NRP1: variants seen among roughly 807,000 people sequenced by gnomAD.
The protein encoded by NRP1 is neuropilin 1.
Under a neutral mutation model 106.7 loss-of-function variants are expected in NRP1, and 35 were observed. The observed-to-expected ratio is 0.33, with a 90% CI of 0.25 to 0.43. The LOEUF is 0.43. Ranked by LOEUF, NRP1 falls within the 20% of genes least tolerant of loss-of-function variation. The pLI is 1.00. For missense variants in NRP1, 1,024 were observed against 1,170.4 expected (o/e 0.87, Z 1.83); for synonymous variants, 437 against 417.9 (o/e 1.05, Z -0.56).
intron 2 of NRP1, among the ~76,000 whole-genome samples, chr10:33,285,573 G>A: frequency 6.6e-6 from 1 of 152,136 alleles, no homozygotes; most frequent in East Asian, 1.9e-4. Flanking sequence ...GTGCAGTGTT[G>A]TAATCCCAGC....
chr10:33,216,921 T>A (rs1178078291), intron 8 of NRP1, among the ~76,000 whole-genome samples: 3 of 152,182 alleles, frequency 2.0e-5, no homozygotes, highest in Non-Finnish European at 4.4e-5. Context: ...CTTAATACAA[T>A]GAAAGGCAGC....
intron 2 of NRP1, among the ~76,000 whole-genome samples, chr10:33,290,033 T>C (rs1844878354): frequency 6.6e-6 from 1 of 152,210 alleles, no homozygotes; most frequent in Admixed American, 6.5e-5. Context: ...GTCTCTTGCA[T>C]AGCTTGGATA....
At chr10:33,232,018 T>C (rs375965221) in intron 6 of NRP1, among the ~76,000 whole-genome samples, 81 of 152,256 alleles carry the variant, frequency 5.3e-4, no homozygotes, top group African/African-American at 1.9e-3. Flanking sequence ...GTTTTGAAGT[T>C]GAAATGATCA....
Position 33,330,740 on chromosome 10 carries a change from G to A in NRP1, c.216C>T (p.Asn72=), listed in dbSNP as rs766624490. The change falls in exon 2 of 17, where the codon AAC becomes AAT. Residue 72 remains asparagine, a synonymous_variant. Coordinates refer to ENST00000374867, the MANE Select transcript of NRP1 (RefSeq NM_003873.7). ...DPYQRIMINF[N]PHFDLEDRDC... ...CTCTGTCCTCCAAATCGAAGTGAGG[G>A]TTGAAGTTGATCATAATTCTCTGGT... 4.3e-6 allele frequency: 7 copies of A among 1,613,480 alleles called. No homozygotes were observed. The highest frequency in any genetic ancestry group is 1.3e-5 in the African/African-American group (1 of 74,880).
intron 9 of NRP1, among the ~76,000 whole-genome samples, chr10:33,208,989 CT>C (rs1838055813): frequency 6.8e-6 from 1 of 147,546 alleles, no homozygotes; most frequent in Non-Finnish European, 1.5e-5. Context: ...TCACTGCAAC[CT>C]GTGCCTCTTG....
chr10:33,296,124 G>C (rs1054909308), intron 2 of NRP1, among the ~76,000 whole-genome samples: 4 of 152,206 alleles, frequency 2.6e-5, no homozygotes, highest in African/African-American at 9.6e-5. Context: ...TATATAATAA[G>C]ATTAGAATAA....
intron 9 of NRP1, among the ~76,000 whole-genome samples, chr10:33,208,762 C>T (rs1308706660): frequency 6.6e-6 from 1 of 151,938 alleles, no homozygotes; most frequent in Non-Finnish European, 1.5e-5. Flanking sequence ...TGTCATCTTC[C>T]TATGATATTG....
rs79661174 is a variant in NRP1 at position 33,305,167 on chromosome 10, A to C, written c.248+25541T>G. 2.8e-3 allele frequency among the ~76,000 whole-genome samples: 430 copies of C among 152,378 alleles called. 3 individuals are homozygous for C. Among genetic ancestry groups the C allele is most frequent in the African/African-American group, 0.01 (420 of 41,588 alleles). Reference sequence around the variant, plus strand: ...TCTGCTATCATATATTTAGGTGAATAACTATTCCAATGTGCTGGATGGCAC... The same window carrying C: ...TCTGCTATCATATATTTAGGTGAATCACTATTCCAATGTGCTGGATGGCAC... On this transcript the variant is annotated intron_variant, in intron 2 of 16. Coordinates refer to ENST00000374867, the MANE Select transcript of NRP1 (RefSeq NM_003873.7).
chr10:33,202,121 A>C (rs1421879568), intron 11 of NRP1: 1 of 152,294 alleles, frequency 6.6e-6, no homozygotes, highest in Non-Finnish European at 1.5e-5. Flanking sequence ...TGACCCAGGG[A>C]GCAGTAAAAG....
chr10:33,178,653 A>C lies in NRP1; in HGVS notation c.*1423T>G, dbSNP rs1358655002. 2 of 152,206 alleles carry C rather than the reference A, an allele frequency of 1.3e-5. No individual in the cohort carries two copies. Among genetic ancestry groups the C allele is most frequent in the Non-Finnish European group, 2.9e-5 (2 of 68,040 alleles). 9.4% of individuals were successfully genotyped at this position (152,206 alleles called of 1,614,324 possible). On this transcript the variant is annotated 3_prime_UTR_variant, in exon 17 of 17. Coordinates refer to ENST00000374867, the MANE Select transcript of NRP1 (RefSeq NM_003873.7). ...TCATTTTTGCATATTTGGATAGAAA[A>C]ATCTCATGCTTTTGGATTTGGAAGA...
chr10:33,267,728 C>T (rs952073131), intron 3 of NRP1, among the ~76,000 whole-genome samples: 4 of 151,978 alleles, frequency 2.6e-5, no homozygotes, highest in African/African-American at 7.3e-5. Context: ...TCTCTTTAGG[C>T]GATTGGAAAT....
intron 7 of NRP1, among the ~76,000 whole-genome samples, chr10:33,225,628 T>C (rs3851076): frequency 0.13 from 19,965 of 152,272 alleles, 1,586 homozygotes; most frequent in Admixed American, 0.23. Context: ...TTGTGTGATC[T>C]GAGGGAACAC....
Position 33,185,648 on chromosome 10 carries a change from A to T in NRP1, c.2411T>A (p.Ile804Asn). 6.2e-7 allele frequency: 1 copy of T among 1,613,820 alleles called. No homozygotes were observed. The highest frequency in any genetic ancestry group is 2.2e-5 in the East Asian group (1 of 44,882). Residue 804 changes from isoleucine (I) to asparagine (N), a missense_variant, in exon 15 of 17, where the codon ATT (isoleucine) becomes AAT (asparagine). By Grantham distance (149) the Ile-to-Asn change is moderately radical. This residue lies in a region of NRP1 where 164 missense variants were observed against 161.4 expected (regional missense o/e 1.02). Coordinates refer to ENST00000374867, the MANE Select transcript of NRP1 (RefSeq NM_003873.7). ...AVDDISINNH[I>N]SQEDCAKPAD... is the part of the protein sequence containing the mutation. Reference sequence around the variant, plus strand: ...CTTACTTGCACAATCTTCTTGTGAAATGTGGTTATTAATACTAATGTCATC... The same window carrying T: ...CTTACTTGCACAATCTTCTTGTGAATTGTGGTTATTAATACTAATGTCATC...
chr10:33,306,489 A>T (rs1846177243), intron 2 of NRP1, among the ~76,000 whole-genome samples: 1 of 152,182 alleles, frequency 6.6e-6, no homozygotes, highest in East Asian at 1.9e-4. Context: ...TTCAGAAGCA[A>T]CAAGAGATTA....
At chr10:33,191,305 G>T (rs918102597) in intron 13 of NRP1, among the ~76,000 whole-genome samples, 4 of 152,182 alleles carry the variant, frequency 2.6e-5, no homozygotes, top group Non-Finnish European at 5.9e-5. Context: ...ATCTTAGGAA[G>T]AAAGTAAGGC....
In NRP1 at chr10:33,221,714, C is replaced by T; in HGVS notation, c.1282+5G>A. The T allele has an allele frequency of 1.2e-6, 2 of 1,612,486 alleles. No individual in the cohort carries two copies. Among genetic ancestry groups the T allele is most frequent in the Non-Finnish European group, 1.7e-6 (2 of 1,178,566 alleles). Reference sequence around the variant, plus strand: ...AGATTCAGTCTTCAATCTTCCACAGCTTACCTGTTATCTTGCAACCGTATA... The same window carrying T: ...AGATTCAGTCTTCAATCTTCCACAGTTTACCTGTTATCTTGCAACCGTATA... On this transcript the variant is annotated splice_donor_5th_base_variant and intron_variant, in intron 8 of 16. Coordinates refer to ENST00000374867, the MANE Select transcript of NRP1 (RefSeq NM_003873.7).
rs76759138 is a variant in NRP1, at chr10:33,218,687, A to C, written c.1282+3032T>G. On this transcript the variant is annotated intron_variant, in intron 8 of 16. Transcript: ENST00000374867. The stretch of plus-strand genomic sequence containing the variant: ...TAAAAAATAATTTCTGAATCAAAAA[A>C]TTAGGGTAAAACTTGGGGCTTTAGT... 4.8e-3 allele frequency among the ~76,000 whole-genome samples: 725 copies of C among 152,282 alleles called. 7 individuals are homozygous for C. Among genetic ancestry groups the C allele is most frequent in the African/African-American group, 0.017 (697 of 41,558 alleles).
In NRP1 at chr10:33,260,775, A is replaced by G. The variant is rs532853275; in HGVS notation, c.658+2871T>C. On this transcript the variant is annotated intron_variant, in intron 4 of 16. Coordinates refer to ENST00000374867, the MANE Select transcript of NRP1 (RefSeq NM_003873.7). ...AGTAAACTGCTTTTCTTCAAAGTCA[A>G]TTTGAATCAATGGGTAGCTTTCAAT... 3.4e-4 allele frequency among the ~76,000 whole-genome samples: 52 copies of G among 152,290 alleles called. No individual in the cohort carries two copies. The South Asian group carries it at 5.4e-3, about 16-fold the overall frequency.
chr10:33,209,876 A>T (rs572932978), intron 9 of NRP1, among the ~76,000 whole-genome samples: 1 of 152,346 alleles, frequency 6.6e-6, no homozygotes, highest in South Asian at 2.1e-4. Flanking sequence ...ATATGATGCA[A>T]ATTGGGCTAG....
Sources: gnomAD v4.1 joint callset for allele counts (sites outside exome capture counted in the v4.1 genomes callset) on GRCh38, gnomAD v4.1.1 for gene constraint, gnomAD v4.1.1 regional missense constraint, MANE v1.5 for transcripts, NCBI Gene and HGNC (gene_info 2026-07-23, HGNC 2026-07-21) for gene names.